The following DPP6 variants were observed in gnomAD, a reference collection of about 807,000 sequenced individuals.
The protein encoded by DPP6 is A-type potassium channel modulatory protein DPP6.
In DPP6, 69 loss-of-function variants were observed where a neutral mutation model predicts 122.6. The ratio of observed to expected loss-of-function variants is 0.56; its 90% CI spans 0.46 to 0.69. DPP6 has a LOEUF of 0.69. Among genes scored for constraint, DPP6 ranks in the 30% least tolerant of loss-of-function variants. The pLI, the probability that DPP6 is intolerant of heterozygous loss-of-function variation, is 0.00. For synonymous variants in DPP6, 418 were observed against 433.1 expected, an observed-to-expected ratio of 0.97 and a Z score of 0.43; for missense variants, 928 against 1,116.9, an observed-to-expected ratio of 0.83 and a Z score of 2.41.
intron 1 of DPP6, among the ~76,000 whole-genome samples, chr7:154,160,850 A>G (rs1394463966): frequency 1.3e-5 from 2 of 152,214 alleles, no homozygotes; most frequent in Non-Finnish European, 2.9e-5. Context: ...TCAGAAGAGG[A>G]CTTAATAATC....
intron 1 of DPP6, among the ~76,000 whole-genome samples, chr7:153,900,224 T>C (rs1023106743): frequency 1.5e-5 from 2 of 133,334 alleles, no homozygotes; most frequent in African/African-American, 6.0e-5. Flanking sequence ...CTCAGTACTT[T>C]CTCCCATCTT....
intron 1 of DPP6, among the ~76,000 whole-genome samples, chr7:154,034,256 A>T (rs1245915194): frequency 1.3e-5 from 2 of 152,220 alleles, no homozygotes; most frequent in Non-Finnish European, 2.9e-5. Context: ...TACTGCTAGT[A>T]TGAATCTTGA....
intron 16 of DPP6, among the ~76,000 whole-genome samples, chr7:154,830,266 C>T (rs139202468): frequency 2.0e-5 from 3 of 152,158 alleles, no homozygotes; most frequent in African/African-American, 7.2e-5. Flanking sequence ...CTCTGTCTAT[C>T]GATTGCTCTC....
chr7:153,840,196 G>A, the DPP6 span, among the ~76,000 whole-genome samples: 1 of 152,038 alleles, frequency 6.6e-6, no homozygotes, highest in Non-Finnish European at 1.5e-5. Context: ...TGTTGCAAAC[G>A]TGATTTCAGT....
chr7:154,358,274 A>G (rs1440846763), intron 1 of DPP6, among the ~76,000 whole-genome samples: 3 of 152,208 alleles, frequency 2.0e-5, no homozygotes, highest in African/African-American at 2.4e-5. Flanking sequence ...ACCTGGACCC[A>G]TGGAGGGTTA....
chr7:154,270,241 G>C (rs184615907), intron 1 of DPP6, among the ~76,000 whole-genome samples: 6 of 152,250 alleles, frequency 3.9e-5, no homozygotes, highest in African/African-American at 1.4e-4. Context: ...TTACCACCCG[G>C]TTTTGCAGCA....
At chr7:153,811,060 G>A in the DPP6 span, among the ~76,000 whole-genome samples, 1 of 151,874 alleles carries the variant, frequency 6.6e-6, no homozygotes, top group African/African-American at 2.4e-5. Flanking sequence ...AGCGCCTGCT[G>A]CTGACCCTCT....
chr7:154,329,964 C>T (rs747922959), intron 1 of DPP6, among the ~76,000 whole-genome samples: 18 of 151,784 alleles, frequency 1.2e-4, no homozygotes, highest in Non-Finnish European at 2.1e-4. Context: ...CACTCACAAG[C>T]GGGAGTTGAA....
intron 16 of DPP6, among the ~76,000 whole-genome samples, chr7:154,843,441 C>G (rs1305741530): frequency 1.3e-5 from 2 of 152,208 alleles, no homozygotes; most frequent in African/African-American, 4.8e-5. Flanking sequence ...TCTTTCCTTT[C>G]CCTCAGACTT....
At chr7:154,075,261 C>G (rs1035157692) in intron 1 of DPP6, among the ~76,000 whole-genome samples, 3 of 151,902 alleles carry the variant, frequency 2.0e-5, no homozygotes, top group African/African-American at 7.3e-5. Context: ...CCTTAAAGAA[C>G]TAAAAGTAGA....
At chr7:154,401,579 C>G (rs995627979) in intron 1 of DPP6, among the ~76,000 whole-genome samples, 8 of 152,160 alleles carry the variant, frequency 5.3e-5, no homozygotes, top group Admixed American at 5.2e-4. Context: ...TTCCTTACAC[C>G]TTATACAAAA....
At chr7:154,178,242 C>A (rs1452492011) in intron 1 of DPP6, among the ~76,000 whole-genome samples, 1 of 152,154 alleles carries the variant, frequency 6.6e-6, no homozygotes, top group African/African-American at 2.4e-5. Flanking sequence ...CCTCCAATTA[C>A]TATAGAAAAT....
chr7:154,000,555 C>G (rs1797642769), intron 1 of DPP6, among the ~76,000 whole-genome samples: 1 of 152,180 alleles, frequency 6.6e-6, no homozygotes, highest in Admixed American at 6.5e-5. Flanking sequence ...ATCCAGCTGG[C>G]AAGTTGGCAC....
intron 16 of DPP6, among the ~76,000 whole-genome samples, chr7:154,852,836 G>A (rs1053300883): frequency 6.6e-6 from 1 of 152,178 alleles, no homozygotes; most frequent in African/African-American, 2.4e-5. Context: ...TGGTCATGGA[G>A]GGGAGTTCCT....
chr7:154,785,590 G>A (rs773954042), intron 10 of DPP6, among the ~76,000 whole-genome samples: 21 of 152,160 alleles, frequency 1.4e-4, no homozygotes, highest in Non-Finnish European at 1.2e-4. Context: ...TTAGTCCCCC[G>A]CCCTTTCCTA....
At chr7:154,305,225 G>A (rs1373680885) in intron 1 of DPP6, 1 of 1,194,868 alleles carries the variant, frequency 8.4e-7, no homozygotes, top group Non-Finnish European at 1.0e-6. Context: ...TTGTTTCTGT[G>A]GCGATTGCAG....
intron 2 of DPP6, among the ~76,000 whole-genome samples, chr7:154,461,583 CATT>C (rs1297108274): frequency 2.0e-5 from 3 of 152,252 alleles, no homozygotes; most frequent in Admixed American, 2.0e-4. Flanking sequence ...GATGGTGTCT[CATT>C]ATAGCTTTGA....
At chr7:154,272,464 TTACCAG>T (rs1803858413) in intron 1 of DPP6, among the ~76,000 whole-genome samples, 1 of 152,200 alleles carries the variant, frequency 6.6e-6, no homozygotes, top group Non-Finnish European at 1.5e-5. Flanking sequence ...GAAGGTGGCA[TTACCAG>T]TACTGTACTT....
intron 1 of DPP6, chr7:154,094,035 TA>T (rs1009095718): frequency 3.5e-4 from 54 of 152,268 alleles, no homozygotes; most frequent in African/African-American, 1.3e-3. Flanking sequence ...GGCTCTGGGG[TA>T]AAAATGTTGA....
Sources: gnomAD v4.1 joint callset for allele counts (sites outside exome capture counted in the v4.1 genomes callset) on GRCh38, gnomAD v4.1.1 for gene constraint, MANE v1.5 for transcripts, NCBI Gene and HGNC (gene_info 2026-07-23, HGNC 2026-07-21) for gene names.